TRIM36: variants seen among roughly 807,000 people sequenced by gnomAD.
The protein encoded by TRIM36 is tripartite motif containing 36, also known as E3 ubiquitin-protein ligase TRIM36.
In TRIM36, 42 loss-of-function variants were observed where a neutral mutation model predicts 72.4. The ratio of observed to expected loss-of-function variants is 0.58; its 90% CI spans 0.45 to 0.75. The LOEUF is 0.75. Ranked by LOEUF, TRIM36 falls within the 30% of genes least tolerant of loss-of-function variation. The pLI, the probability that TRIM36 is intolerant of heterozygous loss-of-function variation, is 0.00. For missense variants in TRIM36, 913 were observed against 857.1 expected (o/e 1.07, Z -0.81); for synonymous variants, 315 against 282.8 (o/e 1.11, Z -1.14).
chr5:115,169,215 G>C (rs577736085), intron 1 of TRIM36: 6 of 193,218 alleles, frequency 3.1e-5, no homozygotes, highest in African/African-American at 1.4e-4. Context: ...GGGTCAAGAC[G>C]CCTAGACAAA....
rs908697529 is a variant in TRIM36 at position 115,125,071 on chromosome 5, G to A, written c.*1432C>T. The A allele has an allele frequency of 3.3e-5, 5 of 152,404 alleles. No homozygotes were observed. The highest frequency in any genetic ancestry group is 7.4e-5 in the Non-Finnish European group (5 of 67,936). 9.4% of individuals were successfully genotyped at this position (152,404 alleles called of 1,614,324 possible). On this transcript the variant is annotated 3_prime_UTR_variant, in exon 10 of 10. Transcript: ENST00000513154. ...CCATGATATTTGCTACTTGAGTTGA[G>A]GGTAAAAAGCTAATTTAATGCTACC...
intron 2 of TRIM36, among the ~76,000 whole-genome samples, chr5:115,154,603 T>C (rs531102258): frequency 1.3e-5 from 2 of 152,200 alleles, no homozygotes; most frequent in South Asian, 2.1e-4. Flanking sequence ...AGATAAATTA[T>C]TGGAAAGATA....
chr5:115,143,877 T>C (rs1753425896), intron 4 of TRIM36, among the ~76,000 whole-genome samples: 1 of 152,062 alleles, frequency 6.6e-6, no homozygotes. Flanking sequence ...AGGTTTTTTT[T>C]TGTTTGTTTT....
rs896995740 is a variant in TRIM36 at position 115,179,893 on chromosome 5, G to A, written c.63+82C>T. ...TCCCGCCCTTCCCAGGCGCTGGAAT[G>A]GACACGGACGCCCACAGTGGCGGGC... On this transcript the variant is annotated intron_variant, in intron 1 of 9. Coordinates refer to the TRIM36 transcript ENST00000282369. 5.0e-6 allele frequency: 7 copies of A among 1,397,474 alleles called. No individual in the cohort carries two copies. In the Admixed American group the frequency reaches 9.0e-5, roughly 18 times the overall value. The allele number at this position is 1,397,474 out of a possible 1,614,324, so 86.6% of individuals were successfully genotyped here. A position where few individuals can be genotyped will look rare whatever the true frequency, so the allele number is the denominator to read the frequency against.
chr5:115,138,831 T>C (rs1329364522), intron 5 of TRIM36, among the ~76,000 whole-genome samples: 1 of 152,130 alleles, frequency 6.6e-6, no homozygotes, highest in African/African-American at 2.4e-5. Flanking sequence ...ATTCTTTTTT[T>C]TTGAGACAGA....
intron 2 of TRIM36, chr5:115,149,054 T>C (rs1024600887): frequency 1.3e-5 from 2 of 152,208 alleles, no homozygotes; most frequent in Non-Finnish European, 2.9e-5. Context: ...ACAACAAACA[T>C]GCAGAATATT....
At chr5:115,127,643 A>G (rs987017950) in intron 9 of TRIM36, among the ~76,000 whole-genome samples, 2 of 152,346 alleles carry the variant, frequency 1.3e-5, no homozygotes, top group East Asian at 3.9e-4. Flanking sequence ...AACCCATTAC[A>G]TGTTTGTGGT....
chr5:115,130,619 C>A lies in TRIM36; in HGVS notation c.1769G>T (p.Arg590Leu). 1.2e-6 allele frequency: 2 copies of A among 1,614,106 alleles called. No homozygotes were observed. Among genetic ancestry groups the A allele is most frequent in the Non-Finnish European group, 1.7e-6 (2 of 1,179,970 alleles). ...TGGACTAACTGCATCCCGGGGAGAA[C>A]GGAGCCATTCTTGTAGTTTATCGCT... ...ASSDKLQEWLRSPRDAVSPRY... is the reference protein window; with the variant it reads ...ASSDKLQEWLLSPRDAVSPRY... Residue 590 changes from arginine (R) to leucine (L), a missense_variant, in exon 9 of 10, where the codon CGT (arginine) becomes CTT (leucine). Coordinates refer to ENST00000513154, the MANE Select transcript of TRIM36 (RefSeq NM_001300759.2).
In TRIM36 at chr5:115,144,603, A is replaced by C; in HGVS notation, c.730T>G (p.Leu244Val). ...VTTMSSAYKT[L>V]KEKLSKDIDY... ...GTTCCAAAAATAAGTCCTACCTTTAAGGTTTTGTAGGCACTGCTCATAGTG... is the reference window on the plus strand; with the variant it reads ...GTTCCAAAAATAAGTCCTACCTTTACGGTTTTGTAGGCACTGCTCATAGTG... The change falls in exon 4 of 10, where the codon TTA (leucine) becomes GTA (valine). Residue 244 changes from leucine (L) to valine (V), a missense_variant. Physicochemically the swap from Leu to Val is conservative, Grantham distance 32. Transcript: ENST00000513154. The C allele has an allele frequency of 6.2e-7, 1 of 1,612,938 alleles. No individual in the cohort carries two copies. Among genetic ancestry groups the C allele is most frequent in the East Asian group, 2.2e-5 (1 of 44,852 alleles).
Position 115,169,717 on chromosome 5 carries a change from C to T in TRIM36, c.-83G>A. On this transcript the variant is annotated 5_prime_UTR_variant, in exon 1 of 10. Coordinates refer to ENST00000513154, the MANE Select transcript of TRIM36 (RefSeq NM_001300759.2). Reference sequence around the variant, plus strand: ...GCAGGGTCTGGTGGGCGGGTCCCTGCGGCGGCCGTGGAGCCTCGGTCCGAA... The same window carrying T: ...GCAGGGTCTGGTGGGCGGGTCCCTGTGGCGGCCGTGGAGCCTCGGTCCGAA... 1 of 1,484,546 alleles carries T rather than the reference C, an allele frequency of 6.7e-7. No individual in the cohort carries two copies. Among genetic ancestry groups the T allele is most frequent in the South Asian group, 1.3e-5 (1 of 78,344 alleles). The allele number at this position is 1,484,546 out of a possible 1,614,324, so 92.0% of individuals were successfully genotyped here.
chr5:115,169,738 C>A lies in TRIM36; in HGVS notation c.-104G>T. On this transcript the variant is annotated 5_prime_UTR_variant, in exon 1 of 10. Transcript: ENST00000513154. Reference sequence around the variant, plus strand: ...CCTGCGGCGGCCGTGGAGCCTCGGTCCGAAGCTGGAAGATGAGCTGGTCAG... The same window carrying A: ...CCTGCGGCGGCCGTGGAGCCTCGGTACGAAGCTGGAAGATGAGCTGGTCAG... 6.9e-7 allele frequency: 1 copy of A among 1,447,060 alleles called. No homozygotes were observed. Among genetic ancestry groups the A allele is most frequent in the South Asian group, 1.4e-5 (1 of 73,454 alleles). 89.6% of individuals were successfully genotyped at this position (1,447,060 alleles called of 1,614,324 possible).
chr5:115,141,442 T>G, intron 4 of TRIM36, 68 bp from the exon 5 acceptor site: 1 of 1,056,652 alleles, frequency 9.5e-7, no homozygotes, highest in Non-Finnish European at 1.4e-6. Flanking sequence ...CAGAATTTTT[T>G]TTTAATTACA....
intron 9 of TRIM36, among the ~76,000 whole-genome samples, chr5:115,129,887 T>C (rs1752581600): frequency 6.6e-6 from 1 of 152,246 alleles, no homozygotes; most frequent in African/African-American, 2.4e-5. Flanking sequence ...TCTCCACTTC[T>C]AGTATTTCTC....
At chr5:115,163,299 T>C (rs1161405391) in intron 2 of TRIM36, among the ~76,000 whole-genome samples, 2 of 152,180 alleles carry the variant, frequency 1.3e-5, no homozygotes, top group Non-Finnish European at 2.9e-5. Context: ...AAGTTCATGT[T>C]CAATATCCAA....
chr5:115,153,425 A>C (rs1754000583), intron 2 of TRIM36, among the ~76,000 whole-genome samples: 1 of 152,214 alleles, frequency 6.6e-6, no homozygotes, highest in Non-Finnish European at 1.5e-5. Context: ...GATAGACAGC[A>C]ACACAGTAAT....
At position 115,125,987 on chromosome 5, in the gene TRIM36, C is replaced by A; in HGVS notation, c.*516G>T. On this transcript the variant is annotated 3_prime_UTR_variant, in exon 10 of 10. Coordinates refer to ENST00000513154, the MANE Select transcript of TRIM36 (RefSeq NM_001300759.2). The stretch of plus-strand genomic sequence containing the variant: ...CATAATTTTCCACTTAAATATACTA[C>A]CACTTTTATGGTGTTTTTCTTTTAA... 6.6e-6 allele frequency: 1 copy of A among 152,520 alleles called. No homozygotes were observed. The highest frequency in any genetic ancestry group is 1.5e-5 in the Non-Finnish European group (1 of 68,236). 9.4% of individuals were successfully genotyped at this position (152,520 alleles called of 1,614,324 possible).
intron 2 of TRIM36, among the ~76,000 whole-genome samples, chr5:115,158,821 A>G (rs1754325472): frequency 6.6e-6 from 1 of 152,210 alleles, no homozygotes; most frequent in South Asian, 2.1e-4. Flanking sequence ...TCAACACTTA[A>G]AATTTATATT....
At chr5:115,147,537 G>T (rs1753660274) in intron 2 of TRIM36, 143 bp from the exon 3 acceptor site, 4 of 1,028,676 alleles carry the variant, frequency 3.9e-6, no homozygotes, top group Non-Finnish European at 4.1e-6. Flanking sequence ...AATTTGTATT[G>T]TGAAAATGTT....
chr5:115,171,190 T>G (rs1755101528), upstream of TRIM36: 2 of 1,614,122 alleles, frequency 1.2e-6, no homozygotes, highest in Admixed American at 3.3e-5. Flanking sequence ...CACAGCCCTG[T>G]CTGCAGCGGT....
Sources: allele counts gnomAD v4.1 joint callset (sites outside exome capture counted in the v4.1 genomes callset), GRCh38; gene constraint gnomAD v4.1.1; transcripts MANE v1.5; gene names NCBI Gene and HGNC (gene_info 2026-07-23, HGNC 2026-07-21).